GRIK2: variants seen among roughly 807,000 people sequenced by gnomAD.
GRIK2 encodes glutamate receptor ionotropic, kainate 2.
A neutral mutation model predicts 100.3 loss-of-function variants in GRIK2; 32 were observed. The ratio of observed to expected loss-of-function variants is 0.32; its 90% CI spans 0.24 to 0.43. GRIK2 has a LOEUF of 0.43. GRIK2 is among the 20% of genes least tolerant of loss of function. The pLI is 1.00. For missense variants in GRIK2, 843 were observed against 1,114.9 expected, an observed-to-expected ratio of 0.76 and a Z score of 3.47; for synonymous variants, 417 against 389.4, an observed-to-expected ratio of 1.07 and a Z score of -0.83.
intron 14 of GRIK2, among the ~76,000 whole-genome samples, chr6:101,982,880 T>G (rs903514909): frequency 2.1e-4 from 32 of 151,774 alleles, no homozygotes; most frequent in African/African-American, 7.5e-4. Context: ...AAACATGGTT[T>G]GGCTCCTCTC....
intron 7 of GRIK2, among the ~76,000 whole-genome samples, chr6:101,715,700 A>G (rs942137274): frequency 2.0e-5 from 3 of 151,792 alleles, no homozygotes; most frequent in African/African-American, 4.8e-5. Flanking sequence ...TGTTCCTGAC[A>G]AATCAGCAGA....
At chr6:101,915,297 G>T (rs920337842) in intron 12 of GRIK2, among the ~76,000 whole-genome samples, 1 of 151,246 alleles carries the variant, frequency 6.6e-6, no homozygotes, top group African/African-American at 2.4e-5. Flanking sequence ...GAAAGAAATT[G>T]CCATGCAGGT....
intron 11 of GRIK2, among the ~76,000 whole-genome samples, chr6:101,882,690 A>G (rs1357794225): frequency 6.6e-6 from 1 of 152,154 alleles, no homozygotes; most frequent in Non-Finnish European, 1.5e-5. Flanking sequence ...GTTTGGTGAA[A>G]ATGAACTAAA....
At chr6:101,551,033 C>A (rs1423350372) in intron 2 of GRIK2, among the ~76,000 whole-genome samples, 1 of 152,182 alleles carries the variant, frequency 6.6e-6, no homozygotes, top group Non-Finnish European at 1.5e-5. Flanking sequence ...ACCTAAGGCT[C>A]ACCTCATGAC....
intron 2 of GRIK2, among the ~76,000 whole-genome samples, chr6:101,483,101 G>T (rs1772622576): frequency 1.3e-5 from 2 of 152,112 alleles, no homozygotes. Flanking sequence ...AATGCATTGT[G>T]GCAGTCTTAC....
At chr6:101,846,965 T>C (rs1783846811) in intron 10 of GRIK2, among the ~76,000 whole-genome samples, 1 of 151,932 alleles carries the variant, frequency 6.6e-6, no homozygotes, top group African/African-American at 2.4e-5. Flanking sequence ...GTTCCATTGC[T>C]TCTCTCTATT....
At chr6:101,657,173 G>C (rs1319098608) in intron 4 of GRIK2, among the ~76,000 whole-genome samples, 3 of 152,114 alleles carry the variant, frequency 2.0e-5, no homozygotes, top group Non-Finnish European at 4.4e-5. Flanking sequence ...ATCTCATCTT[G>C]AATTGTAATC....
chr6:101,859,907 G>A (rs1267753772), intron 11 of GRIK2, among the ~76,000 whole-genome samples: 1 of 152,120 alleles, frequency 6.6e-6, no homozygotes, highest in Non-Finnish European at 1.5e-5. Flanking sequence ...AAGAAAAAGG[G>A]GTGAGGAGGG....
chr6:101,633,573 CTA>C (rs1780870287), intron 4 of GRIK2, among the ~76,000 whole-genome samples: 1 of 152,026 alleles, frequency 6.6e-6, no homozygotes, highest in Non-Finnish European at 1.5e-5. Context: ...TCACTAAACT[CTA>C]TGATAAAGAA....
Position 101,818,430 on chromosome 6 carries a change from G to A in GRIK2, c.1264G>A (p.Ala422Thr). ...NMTESQKGKP[A>T]NITDSLSNRS... ...GACAGAAAGTCAAAAGGGAAAGCCA[G>A]CGAACATCACAGATTCCTTATCCAA... The change falls in exon 10 of 17, where the codon GCG (alanine) becomes ACG (threonine). Residue 422 changes from alanine (A) to threonine (T), a missense_variant. Coordinates refer to ENST00000369134, the MANE Select transcript of GRIK2 (RefSeq NM_021956.5). The A allele has an allele frequency of 1.2e-6, 2 of 1,612,454 alleles. No homozygotes were observed. The highest frequency in any genetic ancestry group is 1.3e-5 in the African/African-American group (1 of 75,012).
chr6:101,465,508 A>G (rs1771594677), intron 2 of GRIK2, among the ~76,000 whole-genome samples: 1 of 152,156 alleles, frequency 6.6e-6, no homozygotes, highest in Non-Finnish European at 1.5e-5. Flanking sequence ...TCTTAATCCA[A>G]TCACCCATGA....
chr6:101,995,219 T>C (rs571209212), intron 14 of GRIK2, among the ~76,000 whole-genome samples: 5 of 151,838 alleles, frequency 3.3e-5, no homozygotes, highest in Non-Finnish European at 5.9e-5. Context: ...CTGAGTCAGA[T>C]TGGGTGCTTA....
chr6:101,753,282 CAAA>C (rs774187168), intron 7 of GRIK2, among the ~76,000 whole-genome samples: 176 of 70,894 alleles, frequency 2.5e-3, no homozygotes, highest in African/African-American at 6.4e-3. Context: ...GACTCCGTCT[CAAA>C]AAAAAAAAAA....
chr6:101,677,915 A>G (rs1427301083), intron 5 of GRIK2, among the ~76,000 whole-genome samples: 1 of 152,186 alleles, frequency 6.6e-6, no homozygotes, highest in Non-Finnish European at 1.5e-5. Context: ...CTTTGATTTG[A>G]AAAATTGCTA....
At chr6:101,563,885 CAAA>C (rs375730047) in intron 2 of GRIK2, among the ~76,000 whole-genome samples, 1 of 147,368 alleles carries the variant, frequency 6.8e-6, no homozygotes, top group Non-Finnish European at 1.5e-5. Context: ...ATGGGAAAAA[CAAA>C]AAAAAATAAG....
intron 7 of GRIK2, among the ~76,000 whole-genome samples, chr6:101,687,466 A>G (rs1200578434): frequency 2.0e-5 from 3 of 151,954 alleles, no homozygotes; most frequent in African/African-American, 4.8e-5. Flanking sequence ...TGTATGTAGA[A>G]AAGCTTTTTC....
chr6:101,616,973 T>A (rs1354525794), intron 2 of GRIK2, among the ~76,000 whole-genome samples: 1 of 151,834 alleles, frequency 6.6e-6, no homozygotes, highest in East Asian at 1.9e-4. Context: ...TTGAATATAT[T>A]ATTTTCTTGT....
At chr6:101,503,431 AAAT>A (rs1379368425) in intron 2 of GRIK2, among the ~76,000 whole-genome samples, 1 of 152,166 alleles carries the variant, frequency 6.6e-6, no homozygotes, top group Non-Finnish European at 1.5e-5. Context: ...AGACAATTTT[AAAT>A]AATATGTCAT....
At chr6:101,958,166 T>G (rs1792057688) in intron 14 of GRIK2, among the ~76,000 whole-genome samples, 1 of 151,994 alleles carries the variant, frequency 6.6e-6, no homozygotes, top group African/African-American at 2.4e-5. Flanking sequence ...TCCATTCATT[T>G]GTGTCATCTA....
Sources: allele counts gnomAD v4.1 joint callset (sites outside exome capture counted in the v4.1 genomes callset), GRCh38; gene constraint gnomAD v4.1.1; transcripts MANE v1.5; gene names NCBI Gene and HGNC (gene_info 2026-07-23, HGNC 2026-07-21).